The following PCNX2 variants were observed in gnomAD, a reference collection of about 807,000 sequenced individuals.
PCNX2 encodes the protein pecanex 2.
PCNX2 carries 168 observed loss-of-function variants against 223.8 expected under a neutral mutation model. The ratio of observed to expected loss-of-function variants is 0.75; its 90% CI spans 0.66 to 0.85. PCNX2 has a LOEUF of 0.85. Among genes scored for constraint, PCNX2 ranks in the 40% least tolerant of loss-of-function variants. The pLI, the probability that PCNX2 is intolerant of heterozygous loss-of-function variation, is 0.00. For missense variants in PCNX2, 2,507 were observed against 2,675.5 expected (o/e 0.94, Z 1.39); for synonymous variants, 1,006 against 1,052.6 (o/e 0.96, Z 0.86).
chr1:233,218,214 A>G, intron 10 of PCNX2, 30 bp from the exon 11 acceptor site: 1 of 727,584 alleles, frequency 1.4e-6, no homozygotes, highest in Non-Finnish European at 1.8e-6. Flanking sequence ...AAAAGCAAAA[A>G]AAAAAAAAAA....
intron 25 of PCNX2, among the ~76,000 whole-genome samples, chr1:233,052,933 C>T (rs535810923): frequency 2.1e-3 from 326 of 152,040 alleles, no homozygotes; most frequent in Non-Finnish European, 3.9e-3. Context: ...TAACAGCTAG[C>T]CCTTCTGATT....
chr1:233,264,183 T>C (rs1660211767), intron 1 of PCNX2, among the ~76,000 whole-genome samples: 1 of 152,094 alleles, frequency 6.6e-6, no homozygotes, highest in Non-Finnish European at 1.5e-5. Context: ...CCTTCCTAAT[T>C]CTCTCCAGGA....
At position 233,172,578 on chromosome 1, in the gene PCNX2, G is replaced by A. The variant is rs370654075; in HGVS notation, c.3273+5224C>T. The A allele has an allele frequency of 3.1e-6, 3 of 982,654 alleles. No homozygotes were observed. In the South Asian group the frequency reaches 1.4e-4, roughly 46 times the overall value. 60.9% of individuals were successfully genotyped at this position (982,654 alleles called of 1,614,324 possible). On this transcript the variant is annotated intron_variant, in intron 17 of 33. Coordinates refer to ENST00000258229, the MANE Select transcript of PCNX2 (RefSeq NM_014801.4). ...TTGGTGTCCCAGGCTGATGATCCAT[G>A]GTCTGGCATTGGACACCCACCTGGG...
intron 23 of PCNX2, among the ~76,000 whole-genome samples, chr1:233,086,539 C>T (rs1046243309): frequency 2.1e-4 from 32 of 151,684 alleles, no homozygotes; most frequent in Admixed American, 9.2e-4. Context: ...GGCGTGGTGG[C>T]GGGCACCTAT....
chr1:233,043,777 T>C (rs1671729822), intron 25 of PCNX2, among the ~76,000 whole-genome samples: 1 of 142,618 alleles, frequency 7.0e-6, no homozygotes. Flanking sequence ...ATGGTGTATA[T>C]GTGTCACATT....
chr1:233,137,256 G>A (rs1413048536), intron 20 of PCNX2, among the ~76,000 whole-genome samples: 1 of 152,190 alleles, frequency 6.6e-6, no homozygotes, highest in Non-Finnish European at 1.5e-5. Flanking sequence ...GGTGTGCACA[G>A]TAGGTGCACT....
intron 8 of PCNX2, among the ~76,000 whole-genome samples, chr1:233,237,866 A>C (rs912881008): frequency 6.6e-6 from 1 of 152,190 alleles, no homozygotes; most frequent in Non-Finnish European, 1.5e-5. Flanking sequence ...TTGGAATGAG[A>C]AAGAAACACA....
chr1:233,169,442 C>G (rs904957900), intron 17 of PCNX2, among the ~76,000 whole-genome samples: 1 of 151,530 alleles, frequency 6.6e-6, no homozygotes, highest in Non-Finnish European at 1.5e-5. Flanking sequence ...GTCAGGAGAT[C>G]GAGACCATCC....
At chr1:233,112,738 ATT>A in intron 21 of PCNX2, 1 of 915,228 alleles carries the variant, frequency 1.1e-6, no homozygotes, top group African/African-American at 1.7e-5. Context: ...TCACATATTT[ATT>A]ATAGTATACT....
rs1266767934 is a variant in PCNX2, at chr1:233,161,175, G to T, written c.3366+96C>A. Reference sequence around the variant, plus strand: ...GCGGGCATTTTGTTTTCTTTCTCTGGCTCACGTGTCTTGTCAATACCCTGT... The same window carrying T: ...GCGGGCATTTTGTTTTCTTTCTCTGTCTCACGTGTCTTGTCAATACCCTGT... On this transcript the variant is annotated intron_variant, in intron 18 of 33. Coordinates refer to ENST00000258229, the MANE Select transcript of PCNX2 (RefSeq NM_014801.4). The T allele has an allele frequency of 5.3e-6, 6 of 1,135,958 alleles. No individual in the cohort carries two copies. The African/African-American group carries it at 7.8e-5, about 15-fold the overall frequency. The allele number at this position is 1,135,958 out of a possible 1,614,324, so 70.4% of individuals were successfully genotyped here. A position where few individuals can be genotyped will look rare whatever the true frequency, so the allele number is the denominator to read the frequency against.
intron 12 of PCNX2, among the ~76,000 whole-genome samples, chr1:233,213,770 C>T (rs545639963): frequency 9.5e-5 from 14 of 147,876 alleles, no homozygotes; most frequent in African/African-American, 2.7e-4. Flanking sequence ...ACTTAGTATA[C>T]GCTAAAGCCT....
intron 21 of PCNX2, 21 bp from the exon 22 acceptor site, chr1:233,095,884 A>T: frequency 6.5e-7 from 1 of 1,538,128 alleles, no homozygotes; most frequent in Non-Finnish European, 8.9e-7. Flanking sequence ...AAGAAAAAAA[A>T]TTCATCAGAG....
chr1:233,261,032 T>C (rs1405422123), intron 4 of PCNX2, among the ~76,000 whole-genome samples: 2 of 152,134 alleles, frequency 1.3e-5, no homozygotes, highest in Non-Finnish European at 2.9e-5. Flanking sequence ...CCATATGAAA[T>C]GAGGCATAGA....
the PCNX2 span, among the ~76,000 whole-genome samples, chr1:233,319,435 G>C: frequency 6.6e-6 from 1 of 152,232 alleles, no homozygotes; most frequent in Non-Finnish European, 1.5e-5. Flanking sequence ...GTCAAAGCAG[G>C]TGCAAGAGAG....
At chr1:233,172,953 A>T (rs1382879168) in intron 17 of PCNX2, among the ~76,000 whole-genome samples, 1 of 152,116 alleles carries the variant, frequency 6.6e-6, no homozygotes, top group Non-Finnish European at 1.5e-5. Flanking sequence ...GTGTCTGGCG[A>T]GGGACTAGCA....
In PCNX2 at chr1:233,160,345, G is replaced by A. The variant is rs1678394309; in HGVS notation, c.3455C>T (p.Pro1152Leu). The A allele has an allele frequency of 2.5e-6, 4 of 1,613,672 alleles. No homozygotes were observed. The highest frequency in any genetic ancestry group is 3.4e-6 in the Non-Finnish European group (4 of 1,179,748). Residue 1152 changes from proline (P) to leucine (L), a missense_variant, in exon 19 of 34, where the codon CCC becomes CTC. Physicochemically the swap from Pro to Leu is moderately conservative, Grantham distance 98. Coordinates refer to ENST00000258229, the MANE Select transcript of PCNX2 (RefSeq NM_014801.4). ...YVLPQLRKHHPWMWISHPILK... is the reference protein window; with the variant it reads ...YVLPQLRKHHLWMWISHPILK... ...AATGGGGTGTGAAATCCACATCCAG[G>A]GATGATGCTTGCGGAGCTGAGGGAG... is the stretch of plus-strand genomic sequence containing the variant.
intron 23 of PCNX2, among the ~76,000 whole-genome samples, chr1:233,086,688 A>AATG (rs995453352): frequency 6.6e-6 from 1 of 151,924 alleles, no homozygotes; most frequent in African/African-American, 2.4e-5. Context: ...TAATAATAAT[A>AATG]ATAAAATAAA....
At chr1:233,217,334 C>T (rs1177310400) in intron 12 of PCNX2, among the ~76,000 whole-genome samples, 1 of 152,024 alleles carries the variant, frequency 6.6e-6, no homozygotes, top group Non-Finnish European at 1.5e-5. Context: ...TAAGTATATA[C>T]AATAAATTTT....
the PCNX2 span, among the ~76,000 whole-genome samples, chr1:233,314,439 A>G: frequency 2.6e-5 from 4 of 152,180 alleles, no homozygotes; most frequent in South Asian, 6.2e-4. Flanking sequence ...AGATATGTAT[A>G]TAAAAATAAC....
Sources: gnomAD v4.1 joint callset for allele counts (sites outside exome capture counted in the v4.1 genomes callset) on GRCh38, gnomAD v4.1.1 for gene constraint, MANE v1.5 for transcripts, NCBI Gene and HGNC (gene_info 2026-07-23, HGNC 2026-07-21) for gene names.